Variants in GSE1 observed in about 807,000 individuals in gnomAD.
The protein encoded by GSE1 is genetic suppressor element 1.
In GSE1, 32 loss-of-function variants were observed where a neutral mutation model predicts 112.6. The ratio of observed to expected loss-of-function variants is 0.28; its 90% CI spans 0.21 to 0.38. The LOEUF is 0.38. GSE1 is among the 10% of genes least tolerant of loss of function. GSE1 has a pLI of 1.00. For synonymous variants in GSE1, 1,115 were observed against 735.6 expected, an observed-to-expected ratio of 1.52 and a Z score of -8.35; for missense variants, 2,348 against 1,699.2, an observed-to-expected ratio of 1.38 and a Z score of -6.71.
chr16:85,524,594 T>C (rs2052302970), intron 2 of GSE1, among the ~76,000 whole-genome samples: 2 of 152,090 alleles, frequency 1.3e-5, no homozygotes, highest in African/African-American at 4.8e-5. Flanking sequence ...TGCTGAGGCC[T>C]CATGCCCTGG....
At chr16:85,454,531 T>A (rs988955397) in intron 2 of GSE1, among the ~76,000 whole-genome samples, 14 of 152,094 alleles carry the variant, frequency 9.2e-5, no homozygotes, top group Non-Finnish European at 2.1e-4. Flanking sequence ...GCCGGATGAG[T>A]TTCCCGGGGC....
Position 85,313,849 on chromosome 16 carries a change from C to T in GSE1, c.2284-43614C>T, listed in dbSNP as rs1040994784. ...CATGCCCACTGGGGAGTTGGGAGGC[C>T]GGAGGACCCAAGATACATGAACAGC... On this transcript the variant is annotated intron_variant, in intron 1 of 2. Coordinates refer to the GSE1 transcript ENST00000637419. Among the ~76,000 whole-genome samples the T allele has an allele frequency of 3.9e-5, 6 of 152,094 alleles. 1 individual carries two copies. Among genetic ancestry groups the T allele is most frequent in the Admixed American group, 1.3e-4 (2 of 15,272 alleles).
intron 2 of GSE1, among the ~76,000 whole-genome samples, chr16:85,472,688 T>A (rs1019152935): frequency 3.9e-5 from 6 of 152,236 alleles, no homozygotes; most frequent in African/African-American, 1.4e-4. Flanking sequence ...TTGCTCAGTC[T>A]GACCCTGCTG....
At chr16:85,267,829 G>A (rs996507743) in intron 1 of GSE1, among the ~76,000 whole-genome samples, 3 of 152,290 alleles carry the variant, frequency 2.0e-5, no homozygotes, top group Admixed American at 1.3e-4. Context: ...GCATAGTGTC[G>A]TGGTTAAACA....
At chr16:85,257,958 G>T (rs1907259850) in intron 1 of GSE1, among the ~76,000 whole-genome samples, 1 of 152,248 alleles carries the variant, frequency 6.6e-6, no homozygotes, top group South Asian at 2.1e-4. Context: ...GCCTAGGAGG[G>T]CTGGTGTGAT....
chr16:85,530,695 A>G (rs1352773293), intron 2 of GSE1, among the ~76,000 whole-genome samples: 1 of 152,234 alleles, frequency 6.6e-6, no homozygotes, highest in Admixed American at 6.5e-5. Context: ...CTGAAGCCTC[A>G]CAGAGCACCC....
intron 2 of GSE1, among the ~76,000 whole-genome samples, chr16:85,646,137 A>G (rs112925749): frequency 6.8e-4 from 74 of 108,792 alleles, no homozygotes; most frequent in African/African-American, 2.7e-3. Flanking sequence ...CTTCCTATGC[A>G]TGCATTCTAC....
intron 1 of GSE1, among the ~76,000 whole-genome samples, chr16:85,203,379 G>A (rs1468017025): frequency 6.6e-6 from 1 of 152,232 alleles, no homozygotes; most frequent in Non-Finnish European, 1.5e-5. Context: ...CTAAGGTGGT[G>A]TGGCACCCTG....
intron 2 of GSE1, among the ~76,000 whole-genome samples, chr16:85,421,279 C>T (rs1480704099): frequency 1.3e-5 from 2 of 152,116 alleles, no homozygotes; most frequent in Non-Finnish European, 2.9e-5. Flanking sequence ...CTCTCGGGCC[C>T]TGGCCCCAGA....
intron 2 of GSE1, among the ~76,000 whole-genome samples, chr16:85,448,064 T>TC (rs2049564391): frequency 6.6e-6 from 1 of 152,214 alleles, no homozygotes; most frequent in Admixed American, 6.5e-5. Flanking sequence ...CGAGGGCTCA[T>TC]CAGCCCTCTG....
At chr16:85,554,734 C>G (rs1044694082), upstream of GSE1, among the ~76,000 whole-genome samples, 16 of 130,876 alleles carry the variant, frequency 1.2e-4, no homozygotes, top group African/African-American at 4.5e-4. Flanking sequence ...CTCCCGGGTC[C>G]TGGCGGAGGG....
intron 2 of GSE1, chr16:85,463,239 C>G (rs757839154): frequency 1.7e-5 from 6 of 353,214 alleles, no homozygotes; most frequent in Non-Finnish European, 2.4e-5. Flanking sequence ...CACCCAGCCT[C>G]GCCCTCCAGC....
At chr16:85,440,100 T>C (rs978782378) in intron 2 of GSE1, among the ~76,000 whole-genome samples, 33 of 152,256 alleles carry the variant, frequency 2.2e-4, no homozygotes, top group Non-Finnish European at 4.4e-5. Flanking sequence ...TTCTCCACAG[T>C]GTCTCCAGTG....
intron 1 of GSE1, chr16:85,306,377 A>C (rs998211901): frequency 6.5e-6 from 1 of 153,860 alleles, no homozygotes; most frequent in African/African-American, 2.4e-5. Context: ...CAGTTGAGGG[A>C]AGTGGGGCTG....
At chr16:85,664,263 C>T (rs920978416) in intron 11 of GSE1, among the ~76,000 whole-genome samples, 12 of 152,234 alleles carry the variant, frequency 7.9e-5, no homozygotes, top group South Asian at 2.1e-4. Context: ...CCCTTACGCA[C>T]GCTTTCAAGT....
rs376719770 is a variant in GSE1, at chr16:85,668,855, C to G, written c.3415+431C>G. Among the ~76,000 whole-genome samples the G allele has an allele frequency of 2.6e-5, 4 of 152,332 alleles. No individual in the cohort carries two copies. The East Asian group carries it at 5.8e-4, about 22-fold the overall frequency. On this transcript the variant is annotated intron_variant, in intron 14 of 15. Coordinates refer to ENST00000253458, the MANE Select transcript of GSE1 (RefSeq NM_014615.5). ...CCACACTGCAAGGATTGCTCTGTGG[C>G]CGGTGGGTGCCAGTCATGTTTTCAG... is the stretch of plus-strand genomic sequence containing the variant.
At chr16:85,185,703 G>C (rs2074685764) in intron 1 of GSE1, among the ~76,000 whole-genome samples, 1 of 152,236 alleles carries the variant, frequency 6.6e-6, no homozygotes, top group South Asian at 2.1e-4. Context: ...TGGTCTGTGT[G>C]GGCTTTTGGG....
chr16:85,235,851 T>C (rs886592074), intron 1 of GSE1, among the ~76,000 whole-genome samples: 1 of 151,880 alleles, frequency 6.6e-6, no homozygotes, highest in African/African-American at 2.4e-5. Flanking sequence ...CCGGGGCAGC[T>C]GTTCGCGATG....
At chr16:85,648,414 G>C in intron 2 of GSE1, 138 bp from the exon 3 acceptor site, 1 of 586,376 alleles carries the variant, frequency 1.7e-6, no homozygotes, top group Admixed American at 3.0e-5. Flanking sequence ...TCTTGGGTGG[G>C]GGCCCATGAG....
Sources: allele counts gnomAD v4.1 joint callset (sites outside exome capture counted in the v4.1 genomes callset), GRCh38; gene constraint gnomAD v4.1.1; transcripts MANE v1.5; gene names NCBI Gene and HGNC (gene_info 2026-07-23, HGNC 2026-07-21).